KAZN: variants seen among roughly 807,000 people sequenced by gnomAD.
The protein encoded by KAZN is kazrin, periplakin interacting protein.
KAZN carries 40 observed loss-of-function variants against 87.4 expected under a neutral mutation model. The ratio of observed to expected loss-of-function variants is 0.46; its 90% CI spans 0.36 to 0.60. The LOEUF (loss-of-function observed/expected upper bound fraction) is 0.60, where lower values mean the gene tolerates loss of function less well. Among genes scored for constraint, KAZN ranks in the 20% least tolerant of loss-of-function variants. KAZN has a pLI of 0.00. For missense variants in KAZN, 898 were observed against 1,073.9 expected, an observed-to-expected ratio of 0.84 and a Z score of 2.29; for synonymous variants, 466 against 458.3, an observed-to-expected ratio of 1.02 and a Z score of -0.22.
At chr1:13,903,812 A>C (rs1186709793) in intron 1 of KAZN, among the ~76,000 whole-genome samples, 3 of 152,114 alleles carry the variant, frequency 2.0e-5, no homozygotes, top group Non-Finnish European at 2.9e-5. Context: ...AGCAGCTCTA[A>C]GAGGGTGGTG....
intron 1 of KAZN, among the ~76,000 whole-genome samples, chr1:14,164,929 CTAAAA>C (rs1338753138): frequency 2.0e-5 from 3 of 152,138 alleles, no homozygotes; most frequent in Non-Finnish European, 4.4e-5. Context: ...GTAGCTGTGG[CTAAAA>C]TAAAATACTG....
At chr1:14,083,246 T>C (rs1051229434) in intron 1 of KAZN, among the ~76,000 whole-genome samples, 7 of 152,224 alleles carry the variant, frequency 4.6e-5, no homozygotes, top group Non-Finnish European at 1.0e-4. Flanking sequence ...CACTTTCTCA[T>C]AGGTTATCAA....
chr1:14,290,909 T>G (rs1441645074), intron 2 of KAZN, among the ~76,000 whole-genome samples: 1 of 152,260 alleles, frequency 6.6e-6, no homozygotes, highest in Non-Finnish European at 1.5e-5. Flanking sequence ...CCTTTCTGTT[T>G]GTTAGTTTTC....
intron 1 of KAZN, among the ~76,000 whole-genome samples, chr1:14,800,720 C>T (rs1645983391): frequency 6.6e-6 from 1 of 152,104 alleles, no homozygotes; most frequent in Admixed American, 6.5e-5. Context: ...GAGAATGAAG[C>T]ACATGCTACA....
chr1:14,975,458 T>G (rs545011098), intron 2 of KAZN, among the ~76,000 whole-genome samples: 1 of 152,310 alleles, frequency 6.6e-6, no homozygotes, highest in South Asian at 2.1e-4. Flanking sequence ...GAGAGGAACG[T>G]TCTAATTTCA....
chr1:15,076,545 G>C (rs763074784), intron 8 of KAZN, among the ~76,000 whole-genome samples: 3 of 152,196 alleles, frequency 2.0e-5, no homozygotes, highest in Non-Finnish European at 2.9e-5. Flanking sequence ...AGACACCCCA[G>C]CTGCTTCTTT....
At chr1:14,311,536 G>A (rs189574268) in intron 2 of KAZN, among the ~76,000 whole-genome samples, 64 of 152,272 alleles carry the variant, frequency 4.2e-4, no homozygotes, top group African/African-American at 1.3e-3. Flanking sequence ...GGACGGCATC[G>A]TGGAGACCAG....
intron 1 of KAZN, among the ~76,000 whole-genome samples, chr1:14,875,483 A>T (rs1011361684): frequency 1.2e-4 from 7 of 58,276 alleles, no homozygotes; most frequent in Non-Finnish European, 2.1e-4. Flanking sequence ...TTAATTTATT[A>T]AAAAAAAAAA....
chr1:14,619,770 A>G (rs1298377915), intron 1 of KAZN, among the ~76,000 whole-genome samples: 1 of 152,220 alleles, frequency 6.6e-6, no homozygotes, highest in Non-Finnish European at 1.5e-5. Flanking sequence ...GACATTTTAT[A>G]TAAATAGAAT....
At chr1:15,054,688 T>C (rs950509324) in intron 4 of KAZN, among the ~76,000 whole-genome samples, 10 of 151,576 alleles carry the variant, frequency 6.6e-5, no homozygotes, top group Non-Finnish European at 1.5e-4. Context: ...GAAAATAATA[T>C]GCAGTAGCAC....
chr1:14,498,586 G>A (rs908799551), intron 2 of KAZN, among the ~76,000 whole-genome samples: 4 of 152,174 alleles, frequency 2.6e-5, no homozygotes, highest in Admixed American at 6.5e-5. Flanking sequence ...CAGCTACTTG[G>A]TGGGCTGAGG....
chr1:15,047,834 A>C lies in KAZN; in HGVS notation c.726+3675A>C, dbSNP rs149367162. Among the ~76,000 whole-genome samples the C allele has an allele frequency of 5.9e-3, 892 of 152,120 alleles. 6 individuals carry two copies. Among genetic ancestry groups the C allele is most frequent in the South Asian group, 0.042 (204 of 4,820 alleles). ...CCAGGCCCGGGGGGATGGTGCACTC[A>C]GCAGCCCCTGCAGCTGGGGGACGAA... On this transcript the variant is annotated intron_variant, in intron 4 of 14. Coordinates refer to ENST00000376030, the MANE Select transcript of KAZN (RefSeq NM_201628.3).
chr1:14,703,993 C>T (rs1642071290), intron 1 of KAZN, among the ~76,000 whole-genome samples: 1 of 152,200 alleles, frequency 6.6e-6, no homozygotes, highest in Non-Finnish European at 1.5e-5. Context: ...GGGCTTTTCT[C>T]CTACCAAGTC....
intron 1 of KAZN, among the ~76,000 whole-genome samples, chr1:14,047,273 AAGCTCTAATG>A (rs1323622232): frequency 6.6e-6 from 1 of 152,216 alleles, no homozygotes; most frequent in Admixed American, 6.5e-5. Flanking sequence ...ACAGGATCCT[AAGCTCTAATG>A]AGCACATCTC....
chr1:14,127,191 C>T (rs189439403), intron 1 of KAZN, among the ~76,000 whole-genome samples: 213 of 152,316 alleles, frequency 1.4e-3, no homozygotes, highest in African/African-American at 4.3e-3. Flanking sequence ...TATGATTATA[C>T]GTTGTTTCTT....
intron 1 of KAZN, among the ~76,000 whole-genome samples, chr1:14,734,938 C>T (rs1643849278): frequency 6.6e-6 from 1 of 152,232 alleles, no homozygotes; most frequent in Admixed American, 6.5e-5. Context: ...TTGGGCTTTC[C>T]AATCTCTGTG....
chr1:14,658,533 G>T (rs1638942044), intron 1 of KAZN, among the ~76,000 whole-genome samples: 1 of 152,076 alleles, frequency 6.6e-6, no homozygotes, highest in Non-Finnish European at 1.5e-5. Flanking sequence ...ATGTCAGCTG[G>T]CCTCAGTACC....
chr1:14,705,844 C>T (rs7534010), intron 1 of KAZN, among the ~76,000 whole-genome samples: 105,398 of 152,092 alleles, frequency 0.69, 37,047 homozygotes, highest in African/African-American at 0.81. Context: ...AAAAGGAATA[C>T]CTTCTAGCGT....
intron 1 of KAZN, among the ~76,000 whole-genome samples, chr1:13,989,915 G>A (rs1049233177): frequency 1.3e-5 from 2 of 152,154 alleles, no homozygotes; most frequent in African/African-American, 4.8e-5. Context: ...AGATGCCATG[G>A]CCCTAGGTAG....
Sources: allele counts gnomAD v4.1 joint callset (sites outside exome capture counted in the v4.1 genomes callset), GRCh38; gene constraint gnomAD v4.1.1; transcripts MANE v1.5; gene names NCBI Gene and HGNC (gene_info 2026-07-23, HGNC 2026-07-21).